Variants in FGF13 observed in about 807,000 individuals in gnomAD.
FGF13 encodes the protein fibroblast growth factor homologous factor 2.
A neutral mutation model predicts 19.5 loss-of-function variants in FGF13; 2 were observed. The observed-to-expected ratio is 0.10, with a 90% CI of 0.04 to 0.32. FGF13 has a LOEUF of 0.32. FGF13 is among the 10% of genes least tolerant of loss of function. FGF13 has a pLI of 1.00. For synonymous variants in FGF13, 72 were observed against 76.9 expected (o/e 0.94, Z 0.33); for missense variants, 113 against 192.7 (o/e 0.59, Z 2.45).
intron 3 of FGF13, among the ~76,000 whole-genome samples, chrX:138,816,329 A>G (rs1267876223): frequency 8.9e-6 from 1 of 112,085 alleles, no homozygotes; most frequent in Non-Finnish European, 1.9e-5. Flanking sequence ...AAATAGTGCA[A>G]CCTACTCTGT....
chrX:138,788,360 C>T (rs12389760), intron 3 of FGF13, among the ~76,000 whole-genome samples: 6 of 112,305 alleles, frequency 5.3e-5, no homozygotes, highest in African/African-American at 1.9e-4. Context: ...ATGGAGGTCT[C>T]GTCTCCTGAA....
intron 3 of FGF13, among the ~76,000 whole-genome samples, chrX:138,661,034 C>A (rs1298349913): frequency 1.8e-5 from 2 of 111,562 alleles, no homozygotes. Context: ...AGGTAATAAA[C>A]ACTGTGTTGT....
intron 3 of FGF13, among the ~76,000 whole-genome samples, chrX:138,636,731 G>A (rs905171114): frequency 9.8e-5 from 11 of 111,703 alleles, no homozygotes; most frequent in Non-Finnish European, 1.5e-4. Flanking sequence ...ATGTTATCAG[G>A]AAAAACACTT....
intron 1 of FGF13, among the ~76,000 whole-genome samples, chrX:138,937,942 A>G (rs1425047267): frequency 2.7e-5 from 3 of 111,532 alleles, no homozygotes; most frequent in African/African-American, 9.8e-5. Context: ...CAGGATGTAG[A>G]TGAAGGCAAG....
chrX:138,711,528 C>T lies in FGF13; in HGVS notation c.-525G>A, dbSNP rs2090050753. 4 of 755,200 alleles carry T rather than the reference C, an allele frequency of 5.3e-6. No homozygotes were observed. The South Asian group carries it at 2.0e-4, about 38-fold the overall frequency. 62.2% of individuals were successfully genotyped at this position (755,200 alleles called of 1,213,427 possible). A position where few individuals can be genotyped will look rare whatever the true frequency, so the allele number is the denominator to read the frequency against. The stretch of plus-strand genomic sequence containing the variant: ...CGGGGGAGCGCGCCCTCGCCCTGGC[C>T]CCTCCGAGTCTTCGACTAGTCCTTG... On this transcript the variant is annotated 5_prime_UTR_variant, in exon 1 of 5. Coordinates refer to ENST00000315930, the MANE Select transcript of FGF13 (RefSeq NM_004114.5).
At chrX:138,947,383 C>A (rs1343435036) in intron 1 of FGF13, among the ~76,000 whole-genome samples, 2 of 111,668 alleles carry the variant, frequency 1.8e-5, no homozygotes, top group Non-Finnish European at 3.8e-5. Flanking sequence ...TTCTTAACTC[C>A]AATACTTACT....
At chrX:138,857,760 G>C (rs191732494) in intron 2 of FGF13, 2 of 839,347 alleles carry the variant, frequency 2.4e-6, no homozygotes, top group Non-Finnish European at 3.2e-6. Context: ...TATACTCCCA[G>C]GGAAGACTAA....
chrX:139,058,088 T>A (rs1255674091), intron 1 of FGF13, among the ~76,000 whole-genome samples: 3 of 111,964 alleles, frequency 2.7e-5, no homozygotes, highest in Non-Finnish European at 3.8e-5. Context: ...ATAATTCAGC[T>A]ATTTTGATTT....
chrX:138,833,845 T>A (rs2091092015), intron 3 of FGF13, among the ~76,000 whole-genome samples: 1 of 111,972 alleles, frequency 8.9e-6, no homozygotes, highest in African/African-American at 3.2e-5. Context: ...GATACCTAGG[T>A]TACTGAGAGT....
intron 1 of FGF13, among the ~76,000 whole-genome samples, chrX:139,048,117 C>G (rs1484939867): frequency 9.0e-6 from 1 of 111,477 alleles, no homozygotes; most frequent in Non-Finnish European, 1.9e-5. Context: ...TTTTCTAATA[C>G]TTCAGTAGTT....
chrX:138,854,674 G>A (rs1187136222), downstream of FGF13, among the ~76,000 whole-genome samples: 5 of 111,794 alleles, frequency 4.5e-5, no homozygotes, highest in Non-Finnish European at 9.4e-5. Flanking sequence ...TAAAGCTTAC[G>A]CAATTCAAAC....
rs377391130 is a variant in FGF13, at chrX:139,101,463, T to C, written c.-113+101953A>G. On this transcript the variant is annotated intron_variant, in intron 1 of 2. Transcript: ENST00000421460. ...TGTGGTTTATAATCAGACTTGGTAT[T>C]ATATTTTTACGTGTGAAACAGATTT... Among the ~76,000 whole-genome samples, 83 of 112,694 alleles carry C rather than the reference T, an allele frequency of 7.4e-4. 1 individual carries two copies. The South Asian group carries it at 0.029, about 39-fold the overall frequency.
chrX:139,019,358 A>G (rs923666746), intron 1 of FGF13, among the ~76,000 whole-genome samples: 3 of 111,275 alleles, frequency 2.7e-5, no homozygotes, highest in African/African-American at 9.8e-5. Context: ...GGCTTGAGCA[A>G]TTGGGTGGAT....
intron 1 of FGF13, among the ~76,000 whole-genome samples, chrX:138,905,145 T>G (rs918525364): frequency 2.7e-5 from 3 of 111,138 alleles, no homozygotes; most frequent in African/African-American, 9.8e-5. Context: ...TCTGGGATTC[T>G]TGGGACAGGG....
intron 1 of FGF13, among the ~76,000 whole-genome samples, chrX:138,943,377 G>C (rs1166570864): frequency 1.8e-5 from 2 of 112,322 alleles, no homozygotes; most frequent in African/African-American, 6.5e-5. Flanking sequence ...ACAGTACACG[G>C]CAACTAAAGC....
intron 3 of FGF13, among the ~76,000 whole-genome samples, chrX:138,836,078 T>C (rs775091329): frequency 2.7e-5 from 3 of 111,546 alleles, no homozygotes; most frequent in East Asian, 2.8e-4. Flanking sequence ...GCCTCCCTTT[T>C]TAGGTGACCT....
At chrX:138,853,511 C>T (rs1044946794), downstream of FGF13, among the ~76,000 whole-genome samples, 7 of 111,018 alleles carry the variant, frequency 6.3e-5, no homozygotes. Flanking sequence ...TCATCAATCT[C>T]CAGCACAGAT....
chrX:138,740,274 TA>T (rs1197338969), upstream of FGF13, among the ~76,000 whole-genome samples: 1 of 111,789 alleles, frequency 8.9e-6, no homozygotes, highest in Non-Finnish European at 1.9e-5. Context: ...AAGTTCTGAA[TA>T]TTGTCACTAT....
At chrX:138,766,411 A>G (rs186310303) in intron 3 of FGF13, among the ~76,000 whole-genome samples, 2 of 112,217 alleles carry the variant, frequency 1.8e-5, no homozygotes, top group East Asian at 5.6e-4. Flanking sequence ...CGTTCCACTA[A>G]TGACAAAATG....
Sources: allele counts gnomAD v4.1 joint callset (sites outside exome capture counted in the v4.1 genomes callset), GRCh38; gene constraint gnomAD v4.1.1; transcripts MANE v1.5; gene names NCBI Gene and HGNC (gene_info 2026-07-23, HGNC 2026-07-21).